The following WWOX variants were observed in gnomAD, a reference collection of about 807,000 sequenced individuals.
The protein encoded by WWOX is WW domain-containing oxidoreductase.
WWOX carries 69 observed loss-of-function variants against 46.2 expected under a neutral mutation model. The ratio of observed to expected loss-of-function variants is 1.49; its 90% confidence interval spans 1.23 to 1.82. The LOEUF is 1.82. Ranked by LOEUF, WWOX falls within the 40% of genes most tolerant of loss-of-function variation. The pLI is 0.00. For synonymous variants in WWOX, 359 were observed against 202.6 expected (o/e 1.77, Z -6.56); for missense variants, 919 against 542.6 (o/e 1.69, Z -6.89).
At chr16:78,764,729 C>T (rs1290488061) in intron 8 of WWOX, among the ~76,000 whole-genome samples, 1 of 151,298 alleles carries the variant, frequency 6.6e-6, no homozygotes, top group African/African-American at 2.4e-5. Context: ...TACCTCCTTC[C>T]TAAGGCTGTG....
In WWOX at chr16:78,821,012, C is replaced by G. The variant is rs140974747; in HGVS notation, c.1056+388260C>G. On this transcript the variant is annotated intron_variant, in intron 8 of 8. Transcript: ENST00000566780. Reference sequence around the variant, plus strand: ...CCCACCTAATTGAGTATGATCTCATCTCATTCCTTATCTTAATTACATTTG... The same window carrying G: ...CCCACCTAATTGAGTATGATCTCATGTCATTCCTTATCTTAATTACATTTG... Among the ~76,000 whole-genome samples the G allele has an allele frequency of 2.5e-3, 381 of 152,278 alleles. 4 individuals are homozygous for G. The highest frequency in any genetic ancestry group is 8.8e-3 in the African/African-American group (367 of 41,558).
chr16:78,318,837 A>G (rs2080407876), intron 5 of WWOX, among the ~76,000 whole-genome samples: 1 of 152,154 alleles, frequency 6.6e-6, no homozygotes, highest in African/African-American at 2.4e-5. Context: ...ATATAACTAC[A>G]GTACAGGATC....
chr16:79,017,123 C>G (rs990631189), intron 8 of WWOX: 7 of 152,110 alleles, frequency 4.6e-5, no homozygotes, highest in African/African-American at 1.4e-4. Flanking sequence ...CATCTCTTGC[C>G]TTGTCCACAG....
intron 8 of WWOX, among the ~76,000 whole-genome samples, chr16:78,699,135 G>C (rs1010116928): frequency 6.6e-6 from 1 of 152,160 alleles, no homozygotes; most frequent in Non-Finnish European, 1.5e-5. Context: ...CACCATCTGT[G>C]TTCCAGTAAA....
At chr16:78,130,175 A>C (rs9928004) in intron 4 of WWOX, 72,106 of 151,986 alleles carry the variant, frequency 0.47, 17,548 homozygotes, top group African/African-American at 0.57. Context: ...TTCCTTTATA[A>C]ATTTCCCAGT....
intron 4 of WWOX, among the ~76,000 whole-genome samples, chr16:78,126,695 C>T (rs554160795): frequency 6.6e-6 from 1 of 152,312 alleles, no homozygotes; most frequent in South Asian, 2.1e-4. Flanking sequence ...GTTTGCTTCA[C>T]TAAAATCTTT....
chr16:78,735,660 C>T (rs2049073827), intron 8 of WWOX, among the ~76,000 whole-genome samples: 2 of 152,194 alleles, frequency 1.3e-5, no homozygotes, highest in African/African-American at 4.8e-5. Context: ...CTGCTGGCCT[C>T]TTCATCTTCT....
At chr16:78,758,275 A>C (rs1359302572) in intron 8 of WWOX, among the ~76,000 whole-genome samples, 1 of 152,244 alleles carries the variant, frequency 6.6e-6, no homozygotes, top group East Asian at 1.9e-4. Flanking sequence ...AGAATACTCT[A>C]AGCCCAATGC....
chr16:78,273,097 G>C (rs747719148), intron 5 of WWOX, among the ~76,000 whole-genome samples: 2 of 151,938 alleles, frequency 1.3e-5, no homozygotes, highest in African/African-American at 4.8e-5. Context: ...TTATATCTTT[G>C]TCAGAGATAG....
At chr16:78,905,972 T>G (rs1238719450) in intron 8 of WWOX, among the ~76,000 whole-genome samples, 4 of 152,224 alleles carry the variant, frequency 2.6e-5, no homozygotes, top group African/African-American at 9.6e-5. Flanking sequence ...GAGAAGTAGC[T>G]GCATGCTTGC....
In WWOX at chr16:78,432,494, A is replaced by C. The variant is rs377727422; in HGVS notation, c.798A>C (p.Thr266=). The C allele has an allele frequency of 5.0e-6, 8 of 1,613,928 alleles. No homozygotes were observed. The African/African-American group carries it at 1.1e-4, about 22-fold the overall frequency. ...IVVSSESHRF[T]DINDSLGKLD... ...CATATTTCCTATTTTTAAGATTTAC[A>C]GATATTAACGACTCCTTGGGAAAAC... Residue 266 remains threonine, a synonymous_variant, in exon 8 of 9, where the codon ACA becomes ACC. Transcript: ENST00000566780.
intron 5 of WWOX, among the ~76,000 whole-genome samples, chr16:78,266,286 T>C (rs1352759406): frequency 3.3e-5 from 5 of 152,202 alleles, no homozygotes; most frequent in South Asian, 2.1e-4. Context: ...TTAAAAACTT[T>C]TATTGAAATT....
At chr16:78,972,111 G>C (rs548353900) in intron 8 of WWOX, among the ~76,000 whole-genome samples, 1 of 152,280 alleles carries the variant, frequency 6.6e-6, no homozygotes, top group Non-Finnish European at 1.5e-5. Flanking sequence ...GAAAGAGCAG[G>C]CTGTCGTCCT....
At chr16:79,084,139 A>T (rs1165469209) in intron 8 of WWOX, among the ~76,000 whole-genome samples, 1 of 152,112 alleles carries the variant, frequency 6.6e-6, no homozygotes, top group African/African-American at 2.4e-5. Flanking sequence ...GAGGAGACCA[A>T]AGGAGGGTGG....
intron 5 of WWOX, among the ~76,000 whole-genome samples, chr16:78,279,336 T>A (rs145110204): frequency 1.9e-4 from 29 of 152,316 alleles, no homozygotes; most frequent in African/African-American, 7.0e-4. Context: ...CATTCTCCTA[T>A]AAAATATGAG....
intron 8 of WWOX, among the ~76,000 whole-genome samples, chr16:78,731,752 TC>T (rs1337675349): frequency 1.3e-5 from 2 of 151,908 alleles, no homozygotes; most frequent in African/African-American, 4.8e-5. Context: ...GGGCAGTAGT[TC>T]CCTGTCATGA....
chr16:78,516,802 C>G (rs114776210), intron 8 of WWOX, among the ~76,000 whole-genome samples: 4,651 of 152,242 alleles, frequency 0.031, 252 homozygotes, highest in African/African-American at 0.11. Flanking sequence ...TACCTGAAAA[C>G]TACTAAGAGA....
At chr16:79,201,370 A>T (rs1481200508) in intron 8 of WWOX, among the ~76,000 whole-genome samples, 1 of 149,754 alleles carries the variant, frequency 6.7e-6, no homozygotes, top group Non-Finnish European at 1.5e-5. Context: ...TTTAAATGGG[A>T]AACTTACAGG....
At chr16:78,606,468 G>A (rs549710418) in intron 8 of WWOX, among the ~76,000 whole-genome samples, 1 of 151,452 alleles carries the variant, frequency 6.6e-6, no homozygotes, top group African/African-American at 2.4e-5. Flanking sequence ...AAAAAAAAAA[G>A]GGTGCTTGAT....
Sources: allele counts gnomAD v4.1 joint callset (sites outside exome capture counted in the v4.1 genomes callset), GRCh38; gene constraint gnomAD v4.1.1; transcripts MANE v1.5; gene names NCBI Gene and HGNC (gene_info 2026-07-23, HGNC 2026-07-21).